The following FRY variants were observed in gnomAD, a reference collection of about 807,000 sequenced individuals.
FRY encodes FRY microtubule binding protein.
In FRY, 128 loss-of-function variants were observed where a neutral mutation model predicts 348.4. That is an observed-to-expected ratio of 0.37 (90% CI 0.32 to 0.43). FRY has a LOEUF of 0.43. Ranked by LOEUF, FRY falls within the 20% of genes least tolerant of loss-of-function variation. The pLI, the probability that FRY is intolerant of heterozygous loss-of-function variation, is 1.00. For missense variants in FRY, 2,736 were observed against 3,695.2 expected, an observed-to-expected ratio of 0.74 and a Z score of 6.73; for synonymous variants, 1,370 against 1,374.7, an observed-to-expected ratio of 1.00 and a Z score of 0.08.
chr13:32,100,826 C>G (rs547309298), intron 2 of FRY, among the ~76,000 whole-genome samples: 1 of 152,106 alleles, frequency 6.6e-6, no homozygotes, highest in East Asian at 1.9e-4. Flanking sequence ...ATAGATGGTG[C>G]CTTCCCGCTG....
chr13:32,178,577 AT>A (rs1214065729), intron 21 of FRY, 141 bp downstream of exon 21: 1 of 1,010,600 alleles, frequency 9.9e-7, no homozygotes, highest in Non-Finnish European at 1.5e-6. Context: ...GAGTAAAAAC[AT>A]TAAAAAAATT....
chr13:32,261,513 A>T, intron 51 of FRY, 103 bp from the exon 52 acceptor site: 2 of 1,000,968 alleles, frequency 2.0e-6, no homozygotes, highest in Middle Eastern at 2.0e-4. Flanking sequence ...CCTAAGAGTT[A>T]ATAATGACAA....
At chr13:32,271,402 A>G (rs1888194978) in intron 55 of FRY, among the ~76,000 whole-genome samples, 1 of 152,106 alleles carries the variant, frequency 6.6e-6, no homozygotes, top group African/African-American at 2.4e-5. Context: ...ACCTCAAGCC[A>G]TGCATCTAGC....
chr13:32,256,763 G>A (rs1018195203), intron 51 of FRY, among the ~76,000 whole-genome samples: 1 of 152,122 alleles, frequency 6.6e-6, no homozygotes, highest in East Asian at 1.9e-4. Context: ...CCTTAAGCAT[G>A]GATGCAATTC....
chr13:32,217,288 T>C (rs1885051684), intron 35 of FRY, among the ~76,000 whole-genome samples: 1 of 152,216 alleles, frequency 6.6e-6, no homozygotes, highest in African/African-American at 2.4e-5. Context: ...ACCTGCTGTG[T>C]ATCATTTTAT....
At position 32,186,258 on chromosome 13, in the gene FRY, A is replaced by G; in HGVS notation, c.3320-2A>G. 6.2e-7 allele frequency: 1 copy of G among 1,610,536 alleles called. No homozygotes were observed. The highest frequency in any genetic ancestry group is 8.5e-7 in the Non-Finnish European group (1 of 1,176,720). On this transcript the variant is annotated splice_acceptor_variant, in intron 26 of 60. Coordinates refer to ENST00000542859, the MANE Select transcript of FRY (RefSeq NM_023037.3). LOFTEE classifies it high-confidence loss of function. ...AACCTCTAAGTGTGTTTTTCTCCCTAGTTCACCACCGAAGATTTCTCTTCC... is the reference window on the plus strand; with the variant it reads ...AACCTCTAAGTGTGTTTTTCTCCCTGGTTCACCACCGAAGATTTCTCTTCC...
chr13:32,213,133 T>C (rs933126513), intron 35 of FRY, among the ~76,000 whole-genome samples: 1 of 152,224 alleles, frequency 6.6e-6, no homozygotes, highest in Non-Finnish European at 1.5e-5. Context: ...AAGGATGAGA[T>C]GCTCATGAAT....
chr13:32,168,664 C>T (rs974565379), intron 17 of FRY, among the ~76,000 whole-genome samples: 4 of 152,304 alleles, frequency 2.6e-5, no homozygotes, highest in South Asian at 2.1e-4. Flanking sequence ...TTGTATAAGA[C>T]GTCCCTGAAA....
Position 32,178,894 on chromosome 13 carries a change from A to G in FRY, c.2732A>G (p.Tyr911Cys), listed in dbSNP as rs767661124. The G allele has an allele frequency of 5.6e-6, 9 of 1,613,788 alleles. No homozygotes were observed. The highest frequency in any genetic ancestry group is 6.8e-6 in the Non-Finnish European group (8 of 1,179,676). The change falls in exon 22 of 61, where the codon TAT (tyrosine) becomes TGT (cysteine). Residue 911 changes from tyrosine to cysteine, a missense_variant. This residue lies in a region of FRY where 449 missense variants were observed against 576.9 expected (regional missense o/e 0.78). Coordinates refer to ENST00000542859, the MANE Select transcript of FRY (RefSeq NM_023037.3). ...AGCACTGCCGGCAGCGGAGACAACT[A>G]TGTTACTTTGTGGAGAAATTACCTA... Reference protein sequence around the residue: ...KTSTAGSGDNYVTLWRNYLIL... With the variant: ...KTSTAGSGDNCVTLWRNYLIL...
chr13:32,263,934 G>A (rs1887797202), intron 53 of FRY, among the ~76,000 whole-genome samples: 1 of 152,166 alleles, frequency 6.6e-6, no homozygotes, highest in Non-Finnish European at 1.5e-5. Context: ...TTGAACCCGG[G>A]AAGCAGAGGT....
chr13:32,242,181 A>G (rs1345970543), intron 46 of FRY, among the ~76,000 whole-genome samples: 1 of 152,242 alleles, frequency 6.6e-6, no homozygotes, highest in Non-Finnish European at 1.5e-5. Context: ...TTGAAATTTG[A>G]TCAAGTAATA....
intron 7 of FRY, among the ~76,000 whole-genome samples, chr13:32,130,941 A>G (rs990014683): frequency 7.9e-5 from 12 of 151,454 alleles, no homozygotes; most frequent in African/African-American, 2.7e-4. Flanking sequence ...TCAGCCTCTC[A>G]AGTAGCTGGG....
At chr13:32,198,297 G>GTA (rs1184290681) in intron 29 of FRY, among the ~76,000 whole-genome samples, 5 of 152,186 alleles carry the variant, frequency 3.3e-5, no homozygotes, top group East Asian at 1.9e-4. Context: ...ATGTATATTT[G>GTA]TATATATATA....
At chr13:32,275,056 G>A in intron 56 of FRY, 65 bp downstream of exon 56, 1 of 1,423,364 alleles carries the variant, frequency 7.0e-7, no homozygotes, top group East Asian at 2.3e-5. Context: ...GAACTTCAGG[G>A]TAGCATGTTT....
chr13:32,234,846 G>T, intron 42 of FRY, 85 bp downstream of exon 42: 1 of 1,101,340 alleles, frequency 9.1e-7, no homozygotes, highest in South Asian at 1.3e-5. Context: ...CCTTTCTTCT[G>T]TCAACAATTA....
intron 35 of FRY, among the ~76,000 whole-genome samples, chr13:32,214,954 G>T (rs1356796513): frequency 6.6e-6 from 1 of 152,244 alleles, no homozygotes; most frequent in African/African-American, 2.4e-5. Flanking sequence ...CTAGATTAAT[G>T]GTTCTTTGAT....
chr13:32,054,133 T>C (rs1361562814), intron 1 of FRY, among the ~76,000 whole-genome samples: 6 of 152,214 alleles, frequency 3.9e-5, no homozygotes, highest in Admixed American at 2.6e-4. Flanking sequence ...TTTTTAGATG[T>C]TTTGAACGAA....
chr13:32,054,611 C>T (rs1449584688), intron 1 of FRY, among the ~76,000 whole-genome samples: 3 of 152,150 alleles, frequency 2.0e-5, no homozygotes, highest in Non-Finnish European at 4.4e-5. Context: ...CAGTGACTCA[C>T]ACCTGTAATC....
rs202212752 is a variant in FRY at position 32,237,980 on chromosome 13, G to C, written c.6412G>C (p.Ala2138Pro). Residue 2138 changes from alanine to proline, a missense_variant, in exon 44 of 61, where the codon GCT becomes CCT. This residue lies in a region of FRY where 789 missense variants were observed against 996.2 expected (regional missense o/e 0.79). Transcript: ENST00000542859. This position sits in a 1 kb window ranked among gnomAD's most constrained non-coding sequence, Gnocchi z 6.3. ...SKISMVDASHAIGFPLNVLCL... is the reference protein window; with the variant it reads ...SKISMVDASHPIGFPLNVLCL... ...AATATCCATGGTGGATGCATCCCAC[G>C]CTATTGGTAAAGCCAGCCTCGTTCA... 7 of 1,613,434 alleles carry C rather than the reference G, an allele frequency of 4.3e-6. No homozygotes were observed. Among genetic ancestry groups the C allele is most frequent in the Non-Finnish European group, 5.9e-6 (7 of 1,180,004 alleles).
Sources: allele counts gnomAD v4.1 joint callset (sites outside exome capture counted in the v4.1 genomes callset), GRCh38; gene constraint gnomAD v4.1.1; regional missense constraint gnomAD v4.1.1; non-coding constraint Gnocchi (gnomAD v3.1); transcripts MANE v1.5; gene names NCBI Gene and HGNC (gene_info 2026-07-23, HGNC 2026-07-21).